The following CADPS2 variants were observed in gnomAD, a reference collection of about 807,000 sequenced individuals.
CADPS2 encodes calcium dependent secretion activator 2, also known as calcium-dependent secretion activator 2.
Under a neutral mutation model 172.5 loss-of-function variants are expected in CADPS2, and 93 were observed. The ratio of observed to expected loss-of-function variants is 0.54; its 90% confidence interval spans 0.46 to 0.64. The LOEUF (loss-of-function observed/expected upper bound fraction) is 0.64. CADPS2 is among the 30% of genes least tolerant of loss of function. The pLI, the probability that CADPS2 is intolerant of heterozygous loss-of-function variation, is 0.00. For missense variants in CADPS2, 1,420 were observed against 1,565.9 expected (o/e 0.91, Z 1.57); for synonymous variants, 546 against 555.2 (o/e 0.98, Z 0.23).
chr7:122,670,052 C>T (rs749527513), intron 2 of CADPS2, among the ~76,000 whole-genome samples: 2 of 151,904 alleles, frequency 1.3e-5, no homozygotes, highest in South Asian at 2.1e-4. Flanking sequence ...TCTCCCATGA[C>T]GGTTCTCCCT....
At chr7:122,690,031 C>T (rs1317919687) in intron 2 of CADPS2, among the ~76,000 whole-genome samples, 1 of 152,174 alleles carries the variant, frequency 6.6e-6, no homozygotes, top group African/African-American at 2.4e-5. Flanking sequence ...ATGCACACGC[C>T]AGGGCAAGCC....
At chr7:122,430,975 T>C (rs1042401329) in intron 17 of CADPS2, among the ~76,000 whole-genome samples, 1 of 152,242 alleles carries the variant, frequency 6.6e-6, no homozygotes, top group African/African-American at 2.4e-5. Context: ...GCTAGATTAC[T>C]GGGCATTGTT....
intron 1 of CADPS2, among the ~76,000 whole-genome samples, chr7:122,763,345 G>A (rs1358509420): frequency 6.6e-6 from 1 of 152,138 alleles, no homozygotes; most frequent in African/African-American, 2.4e-5. Context: ...ATAGTGTGAT[G>A]AGAGTGCTGA....
At chr7:122,455,543 G>T (rs1447095196) in intron 14 of CADPS2, among the ~76,000 whole-genome samples, 3 of 151,778 alleles carry the variant, frequency 2.0e-5, no homozygotes, top group African/African-American at 7.3e-5. Context: ...ACACCAGATG[G>T]CATATTGTTG....
chr7:122,738,417 T>A (rs2092297383), intron 1 of CADPS2, among the ~76,000 whole-genome samples: 1 of 151,486 alleles, frequency 6.6e-6, no homozygotes, highest in African/African-American at 2.4e-5. Context: ...TTTTTTTTTA[T>A]GCTTAACTGG....
intron 1 of CADPS2, among the ~76,000 whole-genome samples, chr7:122,865,530 G>A (rs1404040646): frequency 6.6e-6 from 1 of 152,166 alleles, no homozygotes; most frequent in African/African-American, 2.4e-5. Flanking sequence ...ACTCTCCTCA[G>A]AGAAGTATCA....
At chr7:122,604,205 G>A (rs1028512198) in intron 6 of CADPS2, among the ~76,000 whole-genome samples, 1 of 151,926 alleles carries the variant, frequency 6.6e-6, no homozygotes, top group Admixed American at 6.6e-5. Context: ...TTCATACCAA[G>A]AGCTATGCAA....
At chr7:122,833,347 T>G (rs1456785223) in intron 1 of CADPS2, among the ~76,000 whole-genome samples, 10 of 152,130 alleles carry the variant, frequency 6.6e-5, no homozygotes, top group African/African-American at 2.4e-4. Flanking sequence ...CATGCTTTAT[T>G]TATTTATTTT....
At chr7:122,853,317 C>T (rs865961528) in intron 1 of CADPS2, among the ~76,000 whole-genome samples, 8 of 152,324 alleles carry the variant, frequency 5.3e-5, no homozygotes, top group Admixed American at 2.0e-4. Flanking sequence ...ATTCCAGCCC[C>T]CTGTGGGGTA....
At chr7:122,405,241 T>C (rs1187681137) in intron 20 of CADPS2, among the ~76,000 whole-genome samples, 1 of 152,200 alleles carries the variant, frequency 6.6e-6, no homozygotes, top group Non-Finnish European at 1.5e-5. Context: ...TATACATTTG[T>C]CTTAAGATAA....
At chr7:122,676,188 G>C (rs1474281958) in intron 2 of CADPS2, among the ~76,000 whole-genome samples, 1 of 152,098 alleles carries the variant, frequency 6.6e-6, no homozygotes, top group Non-Finnish European at 1.5e-5. Flanking sequence ...AAAATGAATA[G>C]GTTCCTGACT....
chr7:122,381,108 G>C (rs1014880930), intron 24 of CADPS2, among the ~76,000 whole-genome samples: 1 of 152,078 alleles, frequency 6.6e-6, no homozygotes, highest in South Asian at 2.1e-4. Context: ...CTGATGGGTA[G>C]GGTAATCCCT....
At chr7:122,637,149 C>T (rs1323427228) in intron 3 of CADPS2, among the ~76,000 whole-genome samples, 1 of 124,974 alleles carries the variant, frequency 8.0e-6, no homozygotes, top group African/African-American at 3.1e-5. Context: ...TGTAATGCTT[C>T]TGACTGCATT....
chr7:122,445,445 A>T (rs911348380), intron 15 of CADPS2, among the ~76,000 whole-genome samples: 4 of 151,972 alleles, frequency 2.6e-5, no homozygotes, highest in African/African-American at 9.7e-5. Flanking sequence ...AGTATTTCAT[A>T]TTTTTTATTG....
chr7:122,853,595 C>A (rs1272862696), intron 1 of CADPS2, among the ~76,000 whole-genome samples: 1 of 152,218 alleles, frequency 6.6e-6, no homozygotes, highest in Non-Finnish European at 1.5e-5. Flanking sequence ...CCCTATTGAA[C>A]CACTTGGTGA....
chr7:122,440,993 G>A (rs945106465), intron 16 of CADPS2, among the ~76,000 whole-genome samples: 5 of 151,970 alleles, frequency 3.3e-5, no homozygotes. Context: ...GTTATTTTGT[G>A]GGGGAGAAAC....
intron 1 of CADPS2, among the ~76,000 whole-genome samples, chr7:122,782,904 T>C (rs1021906758): frequency 1.3e-5 from 2 of 152,228 alleles, no homozygotes; most frequent in Non-Finnish European, 2.9e-5. Flanking sequence ...CCTTTTCTTA[T>C]ATTGACTCTA....
intron 24 of CADPS2, among the ~76,000 whole-genome samples, chr7:122,383,772 G>T (rs2043288901): frequency 6.6e-6 from 1 of 152,112 alleles, no homozygotes; most frequent in South Asian, 2.1e-4. Context: ...AGATGCCAGT[G>T]AATTCCAGCT....
intron 14 of CADPS2, among the ~76,000 whole-genome samples, chr7:122,456,602 A>G (rs2053812905): frequency 6.6e-6 from 1 of 152,226 alleles, no homozygotes; most frequent in South Asian, 2.1e-4. Flanking sequence ...GCAAGTGAAC[A>G]CCAAGTGCAG....
Sources: gnomAD v4.1 joint callset for allele counts (sites outside exome capture counted in the v4.1 genomes callset) on GRCh38, gnomAD v4.1.1 for gene constraint, MANE v1.5 for transcripts, NCBI Gene and HGNC (gene_info 2026-07-23, HGNC 2026-07-21) for gene names.